The following CHD6 variants were observed in gnomAD, a reference collection of about 807,000 sequenced individuals.
The protein encoded by CHD6 is chromodomain helicase DNA binding protein 6.
CHD6 carries 50 observed loss-of-function variants against 276.9 expected under a neutral mutation model. That is an observed-to-expected ratio of 0.18 (90% confidence interval 0.14 to 0.23). The LOEUF is 0.23. CHD6 is among the 10% of genes least tolerant of loss of function. CHD6 has a pLI of 1.00. For missense variants in CHD6, 2,564 were observed against 3,365.8 expected, an observed-to-expected ratio of 0.76 and a Z score of 5.89; for synonymous variants, 1,173 against 1,229.3, an observed-to-expected ratio of 0.95 and a Z score of 0.96.
intron 1 of CHD6, among the ~76,000 whole-genome samples, chr20:41,609,004 C>G (rs572660941): frequency 8.6e-4 from 131 of 152,318 alleles, no homozygotes; most frequent in African/African-American, 3.0e-3. Flanking sequence ...ACATCTCATA[C>G]AGCATTCCAA....
intron 17 of CHD6, among the ~76,000 whole-genome samples, chr20:41,469,477 G>C (rs976708161): frequency 1.3e-5 from 2 of 152,182 alleles, no homozygotes; most frequent in Admixed American, 1.3e-4. Flanking sequence ...GCCTTCAGGG[G>C]TAGCAGCAAC....
At chr20:41,524,533 A>G (rs16985881) in intron 3 of CHD6, among the ~76,000 whole-genome samples, 12,760 of 152,238 alleles carry the variant, frequency 0.084, 1,014 homozygotes, top group East Asian at 0.32. Context: ...AACTGAAAAT[A>G]AAAATTCAGA....
intron 2 of CHD6, among the ~76,000 whole-genome samples, chr20:41,545,335 GA>G (rs1188154158): frequency 4.6e-5 from 7 of 152,020 alleles, no homozygotes; most frequent in Non-Finnish European, 1.0e-4. Flanking sequence ...TAAGAATAAT[GA>G]AAAAAATATA....
intron 10 of CHD6, among the ~76,000 whole-genome samples, chr20:41,492,911 T>C (rs576848781): frequency 6.6e-6 from 1 of 152,164 alleles, no homozygotes; most frequent in Non-Finnish European, 1.5e-5. Context: ...CAAGACTCCA[T>C]CTCAAAATAA....
intron 2 of CHD6, among the ~76,000 whole-genome samples, chr20:41,544,576 T>G (rs1375843879): frequency 6.6e-6 from 1 of 151,918 alleles, no homozygotes; most frequent in Non-Finnish European, 1.5e-5. Context: ...TTTGATAACA[T>G]TAGTAACATG....
chr20:41,417,829 TA>T (rs927904415), intron 31 of CHD6, among the ~76,000 whole-genome samples: 2 of 152,174 alleles, frequency 1.3e-5, no homozygotes, highest in East Asian at 1.9e-4. Flanking sequence ...CTGATTCATG[TA>T]AAAAAAGATG....
chr20:41,441,809 G>A (rs886855647), intron 25 of CHD6, among the ~76,000 whole-genome samples: 6 of 152,208 alleles, frequency 3.9e-5, no homozygotes, highest in African/African-American at 1.2e-4. Context: ...AAGACAAAGA[G>A]CAACGTGACA....
intron 27 of CHD6, among the ~76,000 whole-genome samples, chr20:41,428,249 A>G (rs894063351): frequency 7.2e-5 from 11 of 152,242 alleles, no homozygotes; most frequent in African/African-American, 2.7e-4. Flanking sequence ...TAGAAATGAC[A>G]GAATGAAGAA....
intron 16 of CHD6, among the ~76,000 whole-genome samples, chr20:41,475,722 C>T (rs1018609613): frequency 2.6e-5 from 4 of 152,092 alleles, no homozygotes; most frequent in African/African-American, 9.7e-5. Context: ...CAGGAAAAGA[C>T]TCCATGCTCT....
chr20:41,410,023 A>C (rs1337185317), intron 36 of CHD6, among the ~76,000 whole-genome samples: 1 of 152,226 alleles, frequency 6.6e-6, no homozygotes, highest in African/African-American at 2.4e-5. Flanking sequence ...CCGCGCAATG[A>C]TAATTCTGTG....
intron 5 of CHD6, among the ~76,000 whole-genome samples, chr20:41,507,277 A>G (rs976914039): frequency 6.6e-6 from 1 of 152,256 alleles, no homozygotes; most frequent in Non-Finnish European, 1.5e-5. Flanking sequence ...AAACTTTAAT[A>G]CATGGATGAA....
Position 41,474,005 on chromosome 20 carries a change from G to A in CHD6, c.2469-488C>T, listed in dbSNP as rs2043116945. Among the ~76,000 whole-genome samples, 3 of 152,196 alleles carry A rather than the reference G, an allele frequency of 2.0e-5. No homozygotes were observed. The South Asian group carries it at 6.2e-4, about 31-fold the overall frequency. ...AGAAATGGTAAGAAGATTAAACTGTGAGGCAGTCCTTTTATGTCACTTCTA... is the reference window on the plus strand; with the variant it reads ...AGAAATGGTAAGAAGATTAAACTGTAAGGCAGTCCTTTTATGTCACTTCTA... On this transcript the variant is annotated intron_variant, in intron 16 of 36. Transcript: ENST00000373233.
At chr20:41,474,626 G>A (rs2043132026) in intron 16 of CHD6, among the ~76,000 whole-genome samples, 1 of 152,134 alleles carries the variant, frequency 6.6e-6, no homozygotes, top group Non-Finnish European at 1.5e-5. Flanking sequence ...CCTATCAGCA[G>A]CCCAGAATTT....
At chr20:41,526,468 G>A (rs2044538839) in intron 3 of CHD6, among the ~76,000 whole-genome samples, 1 of 152,216 alleles carries the variant, frequency 6.6e-6, no homozygotes, top group South Asian at 2.1e-4. Context: ...CAGCTCTTGT[G>A]AGGAGGAAAG....
chr20:41,498,929 C>G (rs2043762308), intron 6 of CHD6, among the ~76,000 whole-genome samples: 1 of 151,628 alleles, frequency 6.6e-6, no homozygotes, highest in African/African-American at 2.4e-5. Flanking sequence ...CCGATGTTGG[C>G]CTCTCAAAGT....
At chr20:41,599,072 G>C (rs976881838) in intron 1 of CHD6, among the ~76,000 whole-genome samples, 1 of 152,258 alleles carries the variant, frequency 6.6e-6, no homozygotes, top group Non-Finnish European at 1.5e-5. Context: ...TGTTCTCATG[G>C]GAAACTGTAA....
intron 1 of CHD6, among the ~76,000 whole-genome samples, chr20:41,587,969 G>A (rs1365714195): frequency 6.6e-6 from 1 of 152,162 alleles, no homozygotes; most frequent in African/African-American, 2.4e-5. Context: ...GAGGAGCCAT[G>A]AGGGAGGGAC....
chr20:41,514,310 C>T (rs866697430), intron 4 of CHD6, among the ~76,000 whole-genome samples: 6 of 152,188 alleles, frequency 3.9e-5, no homozygotes, highest in East Asian at 1.9e-4. Flanking sequence ...AACACTGTCA[C>T]GGGCACATTT....
chr20:41,450,342 A>G (rs980551761), intron 23 of CHD6, among the ~76,000 whole-genome samples: 3 of 152,212 alleles, frequency 2.0e-5, no homozygotes, highest in Non-Finnish European at 4.4e-5. Context: ...TCCAAGGGTC[A>G]GATACATTGC....
Sources: allele counts gnomAD v4.1 joint callset (sites outside exome capture counted in the v4.1 genomes callset), GRCh38; gene constraint gnomAD v4.1.1; transcripts MANE v1.5; gene names NCBI Gene and HGNC (gene_info 2026-07-23, HGNC 2026-07-21).